CCDC154: variants seen among roughly 807,000 people sequenced by gnomAD.
CCDC154 encodes the protein coiled-coil domain containing 154, also known as coiled-coil domain-containing protein 154.
Under a neutral mutation model 87.5 loss-of-function variants are expected in CCDC154, and 91 were observed. That is an observed-to-expected ratio of 1.04 (90% CI 0.88 to 1.24). CCDC154 has a LOEUF of 1.24. Ranked by LOEUF, CCDC154 falls within the 50% of genes most tolerant of loss-of-function variation. The probability of loss-of-function intolerance (pLI) is 0.00; values close to 1 mark genes in which losing one functional copy is unlikely to be tolerated. For missense variants in CCDC154, 903 were observed against 879.2 expected, an observed-to-expected ratio of 1.03 and a Z score of -0.34; for synonymous variants, 418 against 400.4, an observed-to-expected ratio of 1.04 and a Z score of -0.52.
intron 9 of CCDC154, 193 bp downstream of exon 9, chr16:1,438,426 A>C (rs574645827): frequency 2.8e-6 from 2 of 716,744 alleles, no homozygotes; most frequent in Admixed American, 2.9e-5. Flanking sequence ...CAGGGAGGGC[A>C]GGCTGGGTGA....
rs536022936 is a variant in CCDC154 at position 1,440,651 on chromosome 16, C to A, written c.676-1525G>T. Among the ~76,000 whole-genome samples the A allele has an allele frequency of 2.0e-5, 3 of 150,922 alleles. No homozygotes were observed. The East Asian group carries it at 6.0e-4, about 30-fold the overall frequency. ...GTGAGACCCCGTCTCTACAAAACAT[C>A]AAAAAATTAGCCAGGCGGGCTGGGC... On this transcript the variant is annotated intron_variant, in intron 6 of 16. Transcript: ENST00000389176.
Position 1,438,798 on chromosome 16 carries a change from C to A in CCDC154, c.906+17G>T, listed in dbSNP as rs754214235. On this transcript the variant is annotated intron_variant, in intron 8 of 16. Coordinates refer to ENST00000389176, the MANE Select transcript of CCDC154 (RefSeq NM_001143980.3). ...CCCGGCCCCGGCCCCACCTGCCCGCCGCCCGCCCGGCCCCACCTCATGCTG... is the reference window on the plus strand; with the variant it reads ...CCCGGCCCCGGCCCCACCTGCCCGCAGCCCGCCCGGCCCCACCTCATGCTG... 8 of 1,540,260 alleles carry A rather than the reference C, an allele frequency of 5.2e-6. No individual in the cohort carries two copies. Among genetic ancestry groups the A allele is most frequent in the Admixed American group, 2.0e-5 (1 of 50,260 alleles).
chr16:1,443,676 C>T lies in CCDC154; in HGVS notation c.244G>A (p.Glu82Lys), dbSNP rs920508779. 2.3e-5 allele frequency: 30 copies of T among 1,292,812 alleles called. No individual in the cohort carries two copies. Among genetic ancestry groups the T allele is most frequent in the South Asian group, 2.7e-5 (2 of 75,320 alleles). 80.1% of individuals were successfully genotyped at this position (1,292,812 alleles called of 1,614,324 possible). The change falls in exon 3 of 17, where the codon GAG becomes AAG. Residue 82 changes from glutamate to lysine, a missense_variant. Coordinates refer to ENST00000389176, the MANE Select transcript of CCDC154 (RefSeq NM_001143980.3). ...LEQWVVELQAEVACLREHKQR... is the reference protein window; with the variant it reads ...LEQWVVELQAKVACLREHKQR... ...TTGTGCTCCCGCAGGCAGGCCACCTCGGCCTGCAGCTCCACCACCCTGGCC... is the reference window on the plus strand; with the variant it reads ...TTGTGCTCCCGCAGGCAGGCCACCTTGGCCTGCAGCTCCACCACCCTGGCC...
Position 1,443,251 on chromosome 16 carries a change from TG to T in CCDC154, c.455+9del. 2 of 1,548,224 alleles carry T rather than the reference TG, an allele frequency of 1.3e-6. No homozygotes were observed. Among genetic ancestry groups the T allele is most frequent in the Admixed American group, 2.0e-5 (1 of 50,052 alleles). ...CCCTGGGCCTGTGCCCCTAGGTGTGTGGGGGGTACCTTTTGTCCAGGGCCTG... is the reference window on the plus strand; with the variant it reads ...CCCTGGGCCTGTGCCCCTAGGTGTGTGGGGGTACCTTTTGTCCAGGGCCTG... On this transcript the variant is annotated intron_variant, in intron 4 of 16. Coordinates refer to ENST00000389176, the MANE Select transcript of CCDC154 (RefSeq NM_001143980.3).
chr16:1,439,856 C>CT (rs760294626), intron 6 of CCDC154, among the ~76,000 whole-genome samples: 47 of 152,210 alleles, frequency 3.1e-4, no homozygotes, highest in African/African-American at 6.0e-4. Context: ...GCCAATAAAA[C>CT]TTTATTTACA....
intron 15 of CCDC154, 112 bp from the exon 16 acceptor site, chr16:1,434,964 C>A (rs62011354): frequency 2.1e-6 from 3 of 1,415,144 alleles, no homozygotes; most frequent in Non-Finnish European, 2.8e-6. Flanking sequence ...TTCAGGGAAA[C>A]CCTGCCCATG....
At chr16:1,438,598 C>T (rs2038522799) in intron 9 of CCDC154, 21 bp downstream of exon 9, 1 of 1,544,268 alleles carries the variant, frequency 6.5e-7, no homozygotes, top group Non-Finnish European at 8.8e-7. Context: ...CTGACAGCAC[C>T]TGAGGCCCCA....
chr16:1,437,702 G>A (rs764187740), intron 11 of CCDC154, 115 bp downstream of exon 11: 22 of 1,278,932 alleles, frequency 1.7e-5, no homozygotes, highest in African/African-American at 1.7e-4. Context: ...TGGGTGGGAC[G>A]GGAGGCTTGG....
chr16:1,443,216 C>A, intron 4 of CCDC154, 45 bp downstream of exon 4: 1 of 1,542,964 alleles, frequency 6.5e-7, no homozygotes, highest in Non-Finnish European at 8.7e-7. Flanking sequence ...TTCTCGCCAC[C>A]ACCTCCCCGC....
Position 1,443,655 on chromosome 16 carries a change from G to A in CCDC154, c.265C>T (p.His89Tyr). 4 of 1,321,034 alleles carry A rather than the reference G, an allele frequency of 3.0e-6. No individual in the cohort carries two copies. Among genetic ancestry groups the A allele is most frequent in the South Asian group, 2.7e-5 (2 of 75,202 alleles). The allele number at this position is 1,321,034 out of a possible 1,614,324, so 81.8% of individuals were successfully genotyped here. A position where few individuals can be genotyped will look rare whatever the true frequency, so the allele number is the denominator to read the frequency against. The change falls in exon 3 of 17, where the codon CAC becomes TAC. Residue 89 changes from histidine (H) to tyrosine (Y), a missense_variant. His to Tyr is a moderately conservative substitution (Grantham distance 83). Transcript: ENST00000389176. Reference protein sequence around the residue: ...LQAEVACLREHKQRCERATRS... With the variant: ...LQAEVACLREYKQRCERATRS... ...GTGGCGCGCTCACAGCGCTGCTTGT[G>A]CTCCCGCAGGCAGGCCACCTCGGCC...
chr16:1,443,992 A>T lies in CCDC154; in HGVS notation c.28T>A (p.Ser10Thr). 1 of 1,301,080 alleles carries T rather than the reference A, an allele frequency of 7.7e-7. No individual in the cohort carries two copies. The highest frequency in any genetic ancestry group is 1.0e-6 in the Non-Finnish European group (1 of 988,908). The allele number at this position is 1,301,080 out of a possible 1,614,324, so 80.6% of individuals were successfully genotyped here. Reference protein sequence around the residue: MSELADSGPSGASAPSQLRA... With the variant: MSELADSGPTGASAPSQLRA... ...AGCTGGGAAGGGGCCGATGCCCCTG[A>T]GGGTCCACTGTCAGCCAACTCTACA... The change falls in exon 2 of 17, where the codon TCA becomes ACA. Residue 10 changes from serine to threonine, a missense_variant. Ser to Thr is a moderately conservative substitution (Grantham distance 58). Transcript: ENST00000389176.
In CCDC154 at chr16:1,438,778, CCCCGGCCCCACCTGCCCGCCGCCCG is replaced by C; in HGVS notation, c.906+12_906+36del. On this transcript the variant is annotated intron_variant, in intron 8 of 16. Coordinates refer to ENST00000389176, the MANE Select transcript of CCDC154 (RefSeq NM_001143980.3). The stretch of plus-strand genomic sequence containing the variant: ...GGCCGCCCTGAGACCTGCACCCCGG[CCCCGGCCCCACCTGCCCGCCGCCCG>C]CCCGGCCCCACCTCATGCTGCCCCT... The C allele has an allele frequency of 1.3e-6, 2 of 1,542,760 alleles. No individual in the cohort carries two copies. Among genetic ancestry groups the C allele is most frequent in the Non-Finnish European group, 1.7e-6 (2 of 1,143,730 alleles).
chr16:1,438,755 C>A lies in CCDC154; in HGVS notation c.907-18G>T. 6.5e-7 allele frequency: 1 copy of A among 1,548,016 alleles called. No homozygotes were observed. Among genetic ancestry groups the A allele is most frequent in the Non-Finnish European group, 8.7e-7 (1 of 1,146,016 alleles). ...TGGCTCTCCTGCCAGGGGGTGGAGG[C>A]CGCCCTGAGACCTGCACCCCGGCCC... is the stretch of plus-strand genomic sequence containing the variant. On this transcript the variant is annotated intron_variant, in intron 8 of 16. Coordinates refer to ENST00000389176, the MANE Select transcript of CCDC154 (RefSeq NM_001143980.3).
At chr16:1,438,579 T>TC (rs754237764) in intron 9 of CCDC154, 40 bp downstream of exon 9, 1 of 1,515,482 alleles carries the variant, frequency 6.6e-7, no homozygotes, top group Non-Finnish European at 9.0e-7. Context: ...ACATCAGGGG[T>TC]CCCCCCGCCT....
chr16:1,436,053 C>A lies in CCDC154; in HGVS notation c.1521G>T (p.Leu507=). The change falls in exon 14 of 17, where the codon CTG becomes CTT. Residue 507 remains leucine, a synonymous_variant. Coordinates refer to ENST00000389176, the MANE Select transcript of CCDC154 (RefSeq NM_001143980.3). The part of the protein sequence containing the change: ...EFKVGALRQE[L]ATLLSSVQLL... The stretch of plus-strand genomic sequence containing the variant: ...GCTGCACGGATGATAGTAGCGTGGC[C>A]AGCTCCTGCCGCAGGGCCCCAACCT... 1 of 1,550,316 alleles carries A rather than the reference C, an allele frequency of 6.5e-7. No individual in the cohort carries two copies. Among genetic ancestry groups the A allele is most frequent in the Non-Finnish European group, 8.7e-7 (1 of 1,146,894 alleles).
At position 1,436,383 on chromosome 16, in the gene CCDC154, C is replaced by T. The variant is rs73492006; in HGVS notation, c.1487+62G>A. 1,801 of 1,354,940 alleles carry T rather than the reference C, an allele frequency of 1.3e-3. 19 individuals carry two copies. The African/African-American group carries it at 0.022, about 16-fold the overall frequency. 83.9% of individuals were successfully genotyped at this position (1,354,940 alleles called of 1,614,324 possible). A position where few individuals can be genotyped will look rare whatever the true frequency, so the allele number is the denominator to read the frequency against. On this transcript the variant is annotated intron_variant, in intron 13 of 16. Transcript: ENST00000389176. ...GGATTGTGGAGAGTAGCGTGGGGAC[C>T]GGCCCAGCCCAGTAACGGTCAGCAG...
chr16:1,435,925 G>C, intron 14 of CCDC154, 44 bp downstream of exon 14: 1 of 1,484,164 alleles, frequency 6.7e-7, no homozygotes, highest in Non-Finnish European at 9.2e-7. Context: ...GAACCTGATG[G>C]CTCCCCCTCT....
intron 1 of CCDC154, 98 bp from the exon 2 acceptor site, chr16:1,444,110 C>T (rs578159475): frequency 1.2e-5 from 13 of 1,070,816 alleles, no homozygotes; most frequent in South Asian, 5.6e-5. Context: ...CCTCGCCCAC[C>T]ACCCAGAGCT....
chr16:1,435,287 C>T (rs1050594084), intron 14 of CCDC154, 112 bp from the exon 15 acceptor site: 4 of 917,824 alleles, frequency 4.4e-6, no homozygotes, highest in East Asian at 2.6e-5. Context: ...GCAGGGGCCA[C>T]CTGCTGAAAT....
Sources: allele counts gnomAD v4.1 joint callset (sites outside exome capture counted in the v4.1 genomes callset), GRCh38; gene constraint gnomAD v4.1.1; transcripts MANE v1.5; gene names NCBI Gene and HGNC (gene_info 2026-07-23, HGNC 2026-07-21).